Variants in ADGRB3 observed in about 807,000 individuals in gnomAD.
ADGRB3 encodes adhesion G protein-coupled receptor B3.
ADGRB3 carries 37 observed loss-of-function variants against 193.4 expected under a neutral mutation model. The ratio of observed to expected loss-of-function variants is 0.19; its 90% CI spans 0.15 to 0.25. The LOEUF is 0.25. Ranked by LOEUF, ADGRB3 falls within the 10% of genes least tolerant of loss-of-function variation. The pLI is 1.00. For synonymous variants in ADGRB3, 690 were observed against 644.2 expected (o/e 1.07, Z -1.08); for missense variants, 1,637 against 1,852.9 (o/e 0.88, Z 2.14).
Position 69,018,474 on chromosome 6 carries a change from T to C in ADGRB3, c.2082T>C (p.Asn694=). The C allele has an allele frequency of 6.2e-7, 1 of 1,606,506 alleles. No individual in the cohort carries two copies. The highest frequency in any genetic ancestry group is 1.3e-5 in the African/African-American group (1 of 74,808). ...GAATGGGGATGATGGACTTTCAGAA[T>C]TCATACTTAATGACTGGAAATGTAG... The part of the protein sequence containing the change: ...IVGMGMMDFQ[N]SYLMTGNVVA... Residue 694 remains asparagine, a synonymous_variant, in exon 13 of 32, where the codon AAT becomes AAC. Coordinates refer to ENST00000370598, the MANE Select transcript of ADGRB3 (RefSeq NM_001704.3).
At chr6:69,281,241 A>G (rs1290072243) in intron 20 of ADGRB3, among the ~76,000 whole-genome samples, 1 of 152,182 alleles carries the variant, frequency 6.6e-6, no homozygotes, top group Non-Finnish European at 1.5e-5. Context: ...TCCTCTGCCC[A>G]CACAGTGGGT....
chr6:69,010,202 A>G (rs950874972), intron 11 of ADGRB3, among the ~76,000 whole-genome samples: 3 of 152,052 alleles, frequency 2.0e-5, no homozygotes, highest in African/African-American at 4.8e-5. Context: ...TGCCTCTCAC[A>G]TAGTAGGTAT....
At chr6:68,957,323 T>C (rs943415099) in intron 8 of ADGRB3, among the ~76,000 whole-genome samples, 6 of 152,100 alleles carry the variant, frequency 3.9e-5, no homozygotes, top group African/African-American at 1.4e-4. Flanking sequence ...TAATGAAAGG[T>C]CAGAAACTGC....
At chr6:68,723,408 C>T (rs563409509) in intron 3 of ADGRB3, among the ~76,000 whole-genome samples, 2 of 151,848 alleles carry the variant, frequency 1.3e-5, no homozygotes, top group East Asian at 3.9e-4. Flanking sequence ...TGACTTCTGT[C>T]TTACCTGGTA....
At chr6:69,215,453 C>CGTGTGTGT (rs10651298) in intron 17 of ADGRB3, among the ~76,000 whole-genome samples, 47 of 146,702 alleles carry the variant, frequency 3.2e-4, no homozygotes, top group African/African-American at 1.1e-3. Context: ...TGAACAGAAA[C>CGTGTGTGT]GTGTGTGTGT....
At chr6:68,823,186 A>G (rs760552843) in intron 3 of ADGRB3, among the ~76,000 whole-genome samples, 8 of 152,030 alleles carry the variant, frequency 5.3e-5, no homozygotes, top group Non-Finnish European at 1.2e-4. Context: ...TAGGATCATG[A>G]TATTTAAAAA....
intron 17 of ADGRB3, among the ~76,000 whole-genome samples, chr6:69,161,689 G>A (rs1774990693): frequency 6.6e-6 from 1 of 152,042 alleles, no homozygotes; most frequent in South Asian, 2.1e-4. Flanking sequence ...TGTCAGCTAG[G>A]GATATGGTCT....
chr6:69,218,193 T>C (rs1765813280), intron 17 of ADGRB3, among the ~76,000 whole-genome samples: 1 of 152,130 alleles, frequency 6.6e-6, no homozygotes, highest in Non-Finnish European at 1.5e-5. Context: ...TCTATAAGTA[T>C]GTACAATTGA....
At position 69,361,491 on chromosome 6, in the gene ADGRB3, G is replaced by A. The variant is rs201170491; in HGVS notation, c.4218G>A (p.Thr1406=). The change falls in exon 29 of 32, where the codon ACG becomes ACA. Residue 1406 remains threonine, a synonymous_variant. Coordinates refer to ENST00000370598, the MANE Select transcript of ADGRB3 (RefSeq NM_001704.3). The part of the protein sequence containing the change: ...AGLSRSETGS[T]ISMSSLERRK... ...TATCAAGAAGTGAAACTGGATCAAC[G>A]ATATCAATGAGTTCTTTAGAGGTGA... The A allele has an allele frequency of 1.1e-5, 17 of 1,612,114 alleles. No individual in the cohort carries two copies. Among genetic ancestry groups the A allele is most frequent in the African/African-American group, 2.7e-5 (2 of 74,920 alleles).
At position 68,845,146 on chromosome 6, in the gene ADGRB3, G is replaced by T. The variant is rs535325190; in HGVS notation, c.758-85413G>T. On this transcript the variant is annotated intron_variant, in intron 3 of 31. Coordinates refer to ENST00000370598, the MANE Select transcript of ADGRB3 (RefSeq NM_001704.3). ...ACACAAGAAAGGGTTAAATACTTGAGGTAAATGGATATCACACTTAGCATG... is the reference window on the plus strand; with the variant it reads ...ACACAAGAAAGGGTTAAATACTTGATGTAAATGGATATCACACTTAGCATG... Among the ~76,000 whole-genome samples, 4 of 152,228 alleles carry T rather than the reference G, an allele frequency of 2.6e-5. No individual in the cohort carries two copies. The South Asian group carries it at 8.3e-4, about 32-fold the overall frequency.
chr6:69,067,111 T>C (rs564856092), intron 16 of ADGRB3, among the ~76,000 whole-genome samples: 80 of 152,268 alleles, frequency 5.3e-4, no homozygotes, highest in African/African-American at 1.9e-3. Context: ...CCATTTCAAA[T>C]GGAAAGATAG....
intron 3 of ADGRB3, among the ~76,000 whole-genome samples, chr6:68,708,475 C>T (rs963022772): frequency 2.0e-5 from 3 of 152,088 alleles, no homozygotes; most frequent in Non-Finnish European, 4.4e-5. Flanking sequence ...CTCGAGTAAT[C>T]CTTACCTAAG....
At chr6:69,183,345 G>A (rs1764983595) in intron 17 of ADGRB3, among the ~76,000 whole-genome samples, 2 of 152,028 alleles carry the variant, frequency 1.3e-5, no homozygotes, top group Admixed American at 1.3e-4. Context: ...AATTTTTGTG[G>A]TACTTTCCCT....
chr6:69,246,945 TG>T (rs1766511335), intron 20 of ADGRB3, among the ~76,000 whole-genome samples: 1 of 152,150 alleles, frequency 6.6e-6, no homozygotes, highest in African/African-American at 2.4e-5. Context: ...TTTGTTCATT[TG>T]TGCTGAGGGA....
chr6:69,216,041 T>C (rs1476461552), intron 17 of ADGRB3, among the ~76,000 whole-genome samples: 1 of 152,184 alleles, frequency 6.6e-6, no homozygotes, highest in East Asian at 1.9e-4. Flanking sequence ...GTGTGTATCC[T>C]ACACAGCATA....
intron 20 of ADGRB3, among the ~76,000 whole-genome samples, chr6:69,280,852 A>AAT (rs557003404): frequency 1.6e-4 from 25 of 151,652 alleles, no homozygotes; most frequent in Admixed American, 3.9e-4. Context: ...ACTACAAAAA[A>AAT]ATATATATAT....
At chr6:69,364,285 A>C (rs1305976392) in intron 29 of ADGRB3, among the ~76,000 whole-genome samples, 1 of 152,052 alleles carries the variant, frequency 6.6e-6, no homozygotes, top group African/African-American at 2.4e-5. Flanking sequence ...TAGAAAGTGG[A>C]AAAGAGGAAA....
intron 3 of ADGRB3, among the ~76,000 whole-genome samples, chr6:68,859,322 C>T (rs1765083261): frequency 6.6e-6 from 1 of 152,200 alleles, no homozygotes; most frequent in Non-Finnish European, 1.5e-5. Context: ...TTTCCCACAT[C>T]TTCCTGTCTT....
intron 17 of ADGRB3, among the ~76,000 whole-genome samples, chr6:69,189,999 G>T (rs911422646): frequency 6.6e-6 from 1 of 152,110 alleles, no homozygotes; most frequent in Non-Finnish European, 1.5e-5. Context: ...AGGGATGCTG[G>T]TGGAAACAAA....
Sources: allele counts gnomAD v4.1 joint callset (sites outside exome capture counted in the v4.1 genomes callset), GRCh38; gene constraint gnomAD v4.1.1; transcripts MANE v1.5; gene names NCBI Gene and HGNC (gene_info 2026-07-23, HGNC 2026-07-21).